GLRA2: variants seen among roughly 807,000 people sequenced by gnomAD.
GLRA2 encodes the protein glycine receptor alpha 2, also known as glycine receptor subunit alpha-2.
In GLRA2, 11 loss-of-function variants were observed where a neutral mutation model predicts 31.6. The observed-to-expected ratio is 0.35, with a 90% CI of 0.22 to 0.58. GLRA2 has a LOEUF of 0.58. Among genes scored for constraint, GLRA2 ranks in the 20% least tolerant of loss-of-function variants. The probability of loss-of-function intolerance (pLI) is 0.84; values close to 1 mark genes in which losing one functional copy is unlikely to be tolerated. For missense variants in GLRA2, 212 were observed against 351.8 expected, an observed-to-expected ratio of 0.60 and a Z score of 3.18; for synonymous variants, 132 against 134.0, an observed-to-expected ratio of 0.99 and a Z score of 0.10.
chrX:14,602,352 GTTGTTTGTTTGT>G (rs368812932), intron 4 of GLRA2, among the ~76,000 whole-genome samples: 1,476 of 104,244 alleles, frequency 0.014, 32 homozygotes, highest in African/African-American at 0.048. Context: ...TGTACAAACC[GTTGTTTGTTTGT>G]TTGTTTGTTT....
intron 7 of GLRA2, among the ~76,000 whole-genome samples, chrX:14,681,915 A>ATATATATATATATATGTG (rs1569521067): frequency 1.6e-4 from 13 of 81,721 alleles, no homozygotes; most frequent in African/African-American, 5.7e-4. Flanking sequence ...AAAAAAATAT[A>ATATATATATATATATGTG]TATATATATA....
At chrX:14,531,162 A>G in intron 1 of GLRA2, 1 of 936,780 alleles carries the variant, frequency 1.1e-6, no homozygotes, top group African/African-American at 2.0e-5. Context: ...TAATCAGATG[A>G]ATCTGCATAT....
the GLRA2 span, among the ~76,000 whole-genome samples, chrX:14,489,137 C>T: frequency 0.068 from 7,594 of 111,833 alleles, 252 homozygotes; most frequent in Non-Finnish European, 0.1. Context: ...GTGGTTATTT[C>T]CTTTCTTTTT....
chrX:14,479,069 C>T, the GLRA2 span, among the ~76,000 whole-genome samples: 1 of 108,625 alleles, frequency 9.2e-6, no homozygotes, highest in Non-Finnish European at 1.9e-5. Context: ...GAGAAAGACA[C>T]ACAAAGAATG....
At chrX:14,708,154 G>A (rs965995654) in intron 8 of GLRA2, among the ~76,000 whole-genome samples, 1 of 111,301 alleles carries the variant, frequency 9.0e-6, no homozygotes, top group South Asian at 3.8e-4. Flanking sequence ...TGTATCCCTT[G>A]ACCAACATCT....
At chrX:14,525,055 A>G (rs2089183176), upstream of GLRA2, among the ~76,000 whole-genome samples, 2 of 111,576 alleles carry the variant, frequency 1.8e-5, no homozygotes, top group South Asian at 7.5e-4. Flanking sequence ...TGAAAACTAT[A>G]AAGCATTATG....
chrX:14,687,201 G>A (rs1031112066), intron 7 of GLRA2, among the ~76,000 whole-genome samples: 4 of 111,958 alleles, frequency 3.6e-5, no homozygotes, highest in African/African-American at 1.3e-4. Context: ...TTCCCTTTGT[G>A]GGTAACCCGA....
intron 8 of GLRA2, among the ~76,000 whole-genome samples, chrX:14,700,091 C>T (rs981484604): frequency 9.0e-6 from 1 of 111,306 alleles, no homozygotes; most frequent in Non-Finnish European, 1.9e-5. Flanking sequence ...CCCCCAGTTA[C>T]AGACATGACC....
chrX:14,520,649 G>A, the GLRA2 span, among the ~76,000 whole-genome samples: 10 of 112,531 alleles, frequency 8.9e-5, no homozygotes, highest in Non-Finnish European at 1.7e-4. Flanking sequence ...TTGCCTGCAT[G>A]GAGCCTGGAA....
chrX:14,573,454 A>G (rs2089912083), intron 2 of GLRA2, among the ~76,000 whole-genome samples: 1 of 111,897 alleles, frequency 8.9e-6, no homozygotes, highest in African/African-American at 3.3e-5. Flanking sequence ...TCTACAGGAG[A>G]AGGCAGCAAG....
chrX:14,475,697 GAC>G, the GLRA2 span, among the ~76,000 whole-genome samples: 9 of 109,190 alleles, frequency 8.2e-5, no homozygotes, highest in South Asian at 3.9e-4. Context: ...CACGCACACA[GAC>G]ACACACACAC....
chrX:14,661,606 T>C (rs560385830), intron 7 of GLRA2, among the ~76,000 whole-genome samples: 2 of 111,541 alleles, frequency 1.8e-5, no homozygotes, highest in South Asian at 3.8e-4. Context: ...GTGTGGTGGC[T>C]GAGGCCTGTA....
intron 4 of GLRA2, among the ~76,000 whole-genome samples, chrX:14,603,615 C>T (rs2147091003): frequency 9.0e-6 from 1 of 111,509 alleles, no homozygotes; most frequent in South Asian, 3.8e-4. Flanking sequence ...AAAAACCCTT[C>T]TAGACACTGG....
At chrX:14,578,669 G>A (rs189703894) in intron 3 of GLRA2, among the ~76,000 whole-genome samples, 98 of 111,388 alleles carry the variant, frequency 8.8e-4, no homozygotes, top group African/African-American at 3.0e-3. Flanking sequence ...AGTTTCTGAC[G>A]GCAAGTGAAT....
chrX:14,519,139 T>C, the GLRA2 span, among the ~76,000 whole-genome samples: 3 of 109,996 alleles, frequency 2.7e-5, no homozygotes, highest in African/African-American at 9.9e-5. Flanking sequence ...TATTATTATA[T>C]ATAATTTATA....
At chrX:14,608,324 T>C (rs1198208419) in intron 6 of GLRA2, among the ~76,000 whole-genome samples, 1 of 111,623 alleles carries the variant, frequency 9.0e-6, no homozygotes, top group African/African-American at 3.3e-5. Flanking sequence ...AGAAACACTG[T>C]ACGTAGTTCC....
chrX:14,475,040 G>A, the GLRA2 span, among the ~76,000 whole-genome samples: 1 of 111,395 alleles, frequency 9.0e-6, no homozygotes, highest in South Asian at 3.8e-4. Context: ...TGGAGGAGTG[G>A]ACACCTTTTT....
Position 14,607,900 on chromosome X carries a change from G to A in GLRA2, c.715+632G>A, listed in dbSNP as rs139903661. On this transcript the variant is annotated intron_variant, in intron 6 of 8. Transcript: ENST00000218075. ...AGGTGGTAGCAACAAATAGGCATCC[G>A]TTGTTTTCTGGAAGATTTTACCTGT... Among the ~76,000 whole-genome samples, 498 of 110,909 alleles carry A rather than the reference G, an allele frequency of 4.5e-3. 6 individuals are homozygous for A. The highest frequency in any genetic ancestry group is 0.015 in the African/African-American group (461 of 30,503).
the GLRA2 span, among the ~76,000 whole-genome samples, chrX:14,501,819 G>T: frequency 9.0e-6 from 1 of 111,626 alleles, no homozygotes; most frequent in Non-Finnish European, 1.9e-5. Context: ...TTAAGCAATA[G>T]AAATGTTTTT....
Sources: allele counts gnomAD v4.1 joint callset (sites outside exome capture counted in the v4.1 genomes callset), GRCh38; gene constraint gnomAD v4.1.1; transcripts MANE v1.5; gene names NCBI Gene and HGNC (gene_info 2026-07-23, HGNC 2026-07-21).